PIK3AP1: variants seen among roughly 807,000 people sequenced by gnomAD.
PIK3AP1 encodes phosphoinositide-3-kinase adaptor protein 1.
In PIK3AP1, 21 loss-of-function variants were observed where a neutral mutation model predicts 88.1. The observed-to-expected ratio is 0.24, with a 90% CI of 0.17 to 0.34. The LOEUF is 0.34. Among genes scored for constraint, PIK3AP1 ranks in the 10% least tolerant of loss-of-function variants. The pLI is 1.00. For synonymous variants in PIK3AP1, 398 were observed against 400.0 expected (o/e 1.00, Z 0.06); for missense variants, 828 against 1,035.7 (o/e 0.80, Z 2.75).
chr10:96,686,559 A>C lies in PIK3AP1; in HGVS notation c.430+23008T>G, dbSNP rs190745034. Among the ~76,000 whole-genome samples the C allele has an allele frequency of 2.6e-5, 4 of 152,136 alleles. No individual in the cohort carries two copies. In the East Asian group the frequency reaches 7.7e-4, roughly 29 times the overall value. On this transcript the variant is annotated intron_variant, in intron 2 of 16. Coordinates refer to ENST00000339364, the MANE Select transcript of PIK3AP1 (RefSeq NM_152309.3). ...AAGAAGAAAGACAAAAAAGATACAG[A>C]TTTTCCCCCAGCCTCTTAAGAACAT...
intron 2 of PIK3AP1, among the ~76,000 whole-genome samples, chr10:96,696,244 T>A (rs940076892): frequency 1.3e-5 from 2 of 152,154 alleles, no homozygotes; most frequent in South Asian, 2.1e-4. Flanking sequence ...ACAGTGAAAA[T>A]TTTAAAAGTC....
rs747313859 is a variant in PIK3AP1 at position 96,652,757 on chromosome 10, G to C, written c.653C>G (p.Pro218Arg). 2 of 1,614,034 alleles carry C rather than the reference G, an allele frequency of 1.2e-6. No homozygotes were observed. Among genetic ancestry groups the C allele is most frequent in the Non-Finnish European group, 8.5e-7 (1 of 1,179,996 alleles). ...CACCTTGGCTTCCATCCTTACAGAG[G>C]GAGAATCCTCAGGAGAAAACTCTGC... The part of the protein sequence containing the change: ...TEAEFSPEDS[P>R]SVRMEAKVEN... Residue 218 changes from proline (P) to arginine (R), a missense_variant, in exon 4 of 17, where the codon CCC (proline) becomes CGC (arginine). Coordinates refer to ENST00000339364, the MANE Select transcript of PIK3AP1 (RefSeq NM_152309.3).
chr10:96,678,694 G>A (rs1289690236), intron 2 of PIK3AP1, among the ~76,000 whole-genome samples: 1 of 152,144 alleles, frequency 6.6e-6, no homozygotes, highest in African/African-American at 2.4e-5. Context: ...TGCAACCTAT[G>A]ACCCACCTCT....
At chr10:96,626,967 A>T in intron 9 of PIK3AP1, 62 bp from the exon 10 acceptor site, 1 of 1,487,362 alleles carries the variant, frequency 6.7e-7, no homozygotes, top group Non-Finnish European at 9.4e-7. Flanking sequence ...ATCATCAGTC[A>T]TAAAGCAGAG....
At chr10:96,700,336 C>T (rs1017440858) in intron 2 of PIK3AP1, among the ~76,000 whole-genome samples, 11 of 152,046 alleles carry the variant, frequency 7.2e-5, no homozygotes, top group Admixed American at 2.0e-4. Context: ...GGGAAAATTT[C>T]CATGGGCACA....
chr10:96,640,056 T>A, intron 8 of PIK3AP1, among the ~76,000 whole-genome samples: 1 of 152,150 alleles, frequency 6.6e-6, no homozygotes, highest in Non-Finnish European at 1.5e-5. Context: ...CCAGGGAGGT[T>A]GCTAAGGGAA....
At chr10:96,622,517 C>T (rs56358959) in intron 11 of PIK3AP1, among the ~76,000 whole-genome samples, 11,884 of 152,192 alleles carry the variant, frequency 0.078, 1,567 homozygotes, top group African/African-American at 0.27. Context: ...GCCTCAGAGA[C>T]GTTTATCTAT....
At chr10:96,702,633 C>CAT (rs912371378) in intron 2 of PIK3AP1, among the ~76,000 whole-genome samples, 18 of 151,804 alleles carry the variant, frequency 1.2e-4, no homozygotes, top group African/African-American at 4.4e-4. Context: ...CACACACACA[C>CAT]ACACACACAC....
intron 2 of PIK3AP1, among the ~76,000 whole-genome samples, chr10:96,662,876 G>A (rs1334202314): frequency 3.2e-4 from 30 of 93,716 alleles, no homozygotes; most frequent in Middle Eastern, 0.012. Context: ...GCGACAGAGC[G>A]AGACTCCGTC....
At chr10:96,687,683 A>C (rs1311705358) in intron 2 of PIK3AP1, among the ~76,000 whole-genome samples, 2 of 152,112 alleles carry the variant, frequency 1.3e-5, no homozygotes, top group East Asian at 3.8e-4. Context: ...TCTAATCCCA[A>C]GGCCACCATC....
intron 2 of PIK3AP1, among the ~76,000 whole-genome samples, chr10:96,700,254 G>A (rs945722992): frequency 5.3e-5 from 8 of 150,652 alleles, no homozygotes; most frequent in Non-Finnish European, 1.2e-4. Context: ...AGGAGAGGCC[G>A]AGTTTACCAC....
In PIK3AP1 at chr10:96,609,798, T is replaced by A. The variant is rs1460674779; in HGVS notation, c.2084A>T (p.Glu695Val). ...LPAKVEFGVY[E>V]SGPRKSVIPP... The stretch of plus-strand genomic sequence containing the variant: ...AATGACACTTTTCCTGGGGCCACTC[T>A]CATAGACTCCAAACTCCACTTTTGC... Residue 695 changes from glutamate (E) to valine (V), a missense_variant, in exon 14 of 17, where the codon GAG (glutamate) becomes GTG (valine). Around this residue, in one of 3 missense-constraint regions of PIK3AP1, gnomAD observed 191 missense variants for 208.6 expected, o/e 0.92. Transcript: ENST00000339364. The A allele has an allele frequency of 5.6e-6, 9 of 1,614,000 alleles. No homozygotes were observed. In the Admixed American group the frequency reaches 1.3e-4, roughly 24 times the overall value.
rs1848736090 is a variant in PIK3AP1, at chr10:96,595,310, T to G, written c.*267A>C. On this transcript the variant is annotated 3_prime_UTR_variant, in exon 17 of 17. Coordinates refer to ENST00000339364, the MANE Select transcript of PIK3AP1 (RefSeq NM_152309.3). ...GATATGGCAAATTAGAGGTAAGTAT[T>G]TCGATTAAGTCTTCATCCTTTTGGC... 1 of 444,976 alleles carries G rather than the reference T, an allele frequency of 2.2e-6. No individual in the cohort carries two copies. Among genetic ancestry groups the G allele is most frequent in the South Asian group, 3.7e-5 (1 of 27,162 alleles). 27.6% of individuals were successfully genotyped at this position (444,976 alleles called of 1,614,324 possible). A position where few individuals can be genotyped will look rare whatever the true frequency, so the allele number is the denominator to read the frequency against.
At chr10:96,652,504 T>C (rs1241567252) in intron 4 of PIK3AP1, among the ~76,000 whole-genome samples, 194 bp downstream of exon 4, 1 of 150,360 alleles carries the variant, frequency 6.7e-6, no homozygotes, top group Non-Finnish European at 1.5e-5. Flanking sequence ...ACCTGGGAGG[T>C]GGAGCTTGCA....
intron 9 of PIK3AP1, among the ~76,000 whole-genome samples, chr10:96,628,041 T>A (rs887294141): frequency 6.6e-6 from 1 of 152,230 alleles, no homozygotes; most frequent in African/African-American, 2.4e-5. Context: ...ATTGATCATA[T>A]CTTATTTTCC....
intron 16 of PIK3AP1, among the ~76,000 whole-genome samples, chr10:96,601,977 G>A (rs541401147): frequency 6.6e-6 from 1 of 152,222 alleles, no homozygotes; most frequent in Non-Finnish European, 1.5e-5. Context: ...TCTGCCTCCC[G>A]GGTTCAAGCA....
intron 16 of PIK3AP1, among the ~76,000 whole-genome samples, chr10:96,596,960 G>A (rs1848764978): frequency 6.6e-6 from 1 of 152,218 alleles, no homozygotes; most frequent in East Asian, 1.9e-4. Flanking sequence ...TATAGGTCAA[G>A]GAAATGACAA....
intron 7 of PIK3AP1, among the ~76,000 whole-genome samples, chr10:96,646,363 A>G (rs1485496776): frequency 6.6e-6 from 1 of 152,120 alleles, no homozygotes; most frequent in Non-Finnish European, 1.5e-5. Context: ...CTACTGCTTG[A>G]GAAAGGTATA....
intron 2 of PIK3AP1, among the ~76,000 whole-genome samples, chr10:96,684,064 T>C (rs1447380309): frequency 6.6e-6 from 1 of 152,196 alleles, no homozygotes; most frequent in African/African-American, 2.4e-5. Context: ...TTAGTTCCAG[T>C]GCCATTCTGC....
Sources: allele counts gnomAD v4.1 joint callset (sites outside exome capture counted in the v4.1 genomes callset), GRCh38; gene constraint gnomAD v4.1.1; regional missense constraint gnomAD v4.1.1; transcripts MANE v1.5; gene names NCBI Gene and HGNC (gene_info 2026-07-23, HGNC 2026-07-21).